Variants in SAG observed in about 807,000 individuals in gnomAD.
The protein encoded by SAG is S-arrestin.
Under a neutral mutation model 55.0 loss-of-function variants are expected in SAG, and 45 were observed. The observed-to-expected ratio is 0.82, with a 90% confidence interval of 0.64 to 1.05. The LOEUF (loss-of-function observed/expected upper bound fraction) is 1.05. Among genes scored for constraint, SAG ranks in the 50% least tolerant of loss-of-function variants. The probability of loss-of-function intolerance (pLI) is 0.00; values close to 1 mark genes in which losing one functional copy is unlikely to be tolerated. For synonymous variants in SAG, 189 were observed against 197.4 expected (o/e 0.96, Z 0.36); for missense variants, 455 against 512.1 (o/e 0.89, Z 1.08).
Position 233,328,552 on chromosome 2 carries a change from C to T in SAG, c.587C>T (p.Ala196Val), listed in dbSNP as rs556476934. 4.0e-5 allele frequency: 64 copies of T among 1,613,914 alleles called. No individual in the cohort carries two copies. Among genetic ancestry groups the T allele is most frequent in the East Asian group, 2.0e-4 (9 of 44,882 alleles). Reference sequence around the variant, plus strand: ...ATGGGTCCCCAGCCCCGAGCTGAGGCGGCCTGGCAGTTCTTCATGTCTGAC... The same window carrying T: ...ATGGGTCCCCAGCCCCGAGCTGAGGTGGCCTGGCAGTTCTTCATGTCTGAC... ...LEMGPQPRAE[A>V]AWQFFMSDKP... The change falls in exon 8 of 16, where the codon GCG (alanine) becomes GTG (valine). Residue 196 changes from alanine to valine, a missense_variant. Ala to Val is a moderately conservative substitution (Grantham distance 64). Transcript: ENST00000409110.
In SAG at chr2:233,314,091, G is replaced by A. The variant is rs1010557630; in HGVS notation, c.76-1984G>A. Among the ~76,000 whole-genome samples, 7 of 151,994 alleles carry A rather than the reference G, an allele frequency of 4.6e-5. No individual in the cohort carries two copies. In the East Asian group the frequency reaches 7.8e-4, roughly 17 times the overall value. On this transcript the variant is annotated intron_variant, in intron 2 of 15. Coordinates refer to ENST00000409110, the MANE Select transcript of SAG (RefSeq NM_000541.5). ...TAAAAAATTAGCTGGGCATGGTGGC[G>A]TGCATCTGTAGTCCCAGCTACCTGG... is the stretch of plus-strand genomic sequence containing the variant.
chr2:233,312,950 G>A (rs986832437), intron 2 of SAG, among the ~76,000 whole-genome samples: 2 of 152,232 alleles, frequency 1.3e-5, no homozygotes, highest in African/African-American at 4.8e-5. Context: ...AGGGACCTTG[G>A]GGACCAAGGG....
At chr2:233,329,709 T>C (rs1700686861) in intron 9 of SAG, 132 bp downstream of exon 9, 2 of 654,958 alleles carry the variant, frequency 3.1e-6, no homozygotes, top group South Asian at 3.4e-5. Context: ...TCTGCTGTCA[T>C]AGGCAGCAGG....
chr2:233,340,323 G>A lies in SAG; in HGVS notation c.1023-132G>A. 1.4e-6 allele frequency: 1 copy of A among 706,324 alleles called. No homozygotes were observed. Among genetic ancestry groups the A allele is most frequent in the Non-Finnish European group, 2.5e-6 (1 of 396,266 alleles). 43.8% of individuals were successfully genotyped at this position (706,324 alleles called of 1,614,324 possible). A position where few individuals can be genotyped will look rare whatever the true frequency, so the allele number is the denominator to read the frequency against. On this transcript the variant is annotated intron_variant, in intron 12 of 15. Transcript: ENST00000409110. This position sits in a 1 kb window ranked among gnomAD's most constrained non-coding sequence, Gnocchi z 4.2. ...TAATGAAGTTGAACATTAAGGGATG[G>A]GAAGACCCTGGATGTTGTGAGTTCG...
At chr2:233,318,652 G>A (rs1700283790) in intron 3 of SAG, 99 bp from the exon 4 acceptor site, 2 of 1,018,542 alleles carry the variant, frequency 2.0e-6, no homozygotes. Context: ...AATGAACATG[G>A]ATTACATGTG....
In SAG at chr2:233,319,981, G is replaced by A; in HGVS notation, c.182-649G>A. 1 of 985,432 alleles carries A rather than the reference G, an allele frequency of 1.0e-6. No individual in the cohort carries two copies. Among genetic ancestry groups the A allele is most frequent in the Non-Finnish European group, 1.2e-6 (1 of 829,930 alleles). 61.0% of individuals were successfully genotyped at this position (985,432 alleles called of 1,614,324 possible). ...TCGTGTCTTTTTTAGAAGGTGTAGT[G>A]AACTTCATACAATTCTTCTGGTCTA... On this transcript the variant is annotated intron_variant, in intron 4 of 15. Transcript: ENST00000409110. The surrounding 1 kb of genome is among the most constrained non-coding windows in gnomAD (Gnocchi z 4.4).
chr2:233,319,201 T>C lies in SAG; in HGVS notation c.181+406T>C, dbSNP rs1700306160. Among the ~76,000 whole-genome samples the C allele has an allele frequency of 6.6e-6, 1 of 152,000 alleles. No individual in the cohort carries two copies. Among genetic ancestry groups the C allele is most frequent in the African/African-American group, 2.4e-5 (1 of 41,370 alleles). On this transcript the variant is annotated intron_variant, in intron 4 of 15. Transcript: ENST00000409110. This position sits in a 1 kb window ranked among gnomAD's most constrained non-coding sequence, Gnocchi z 4.4. ...GAGGGGCGAGTGAGTGGGCAGTGTT[T>C]CTTCTGAGTCAGTGGCGAGGGGCAG...
intron 3 of SAG, among the ~76,000 whole-genome samples, chr2:233,318,141 T>G (rs556644090): frequency 3.9e-5 from 6 of 152,038 alleles, no homozygotes; most frequent in East Asian, 1.9e-4. Context: ...ACCTGGCCCA[T>G]GCCCTGCTAA....
chr2:233,311,857 G>A (rs1224837770), intron 2 of SAG, among the ~76,000 whole-genome samples: 1 of 152,214 alleles, frequency 6.6e-6, no homozygotes, highest in African/African-American at 2.4e-5. Context: ...CAGGCGCGGT[G>A]GTTTATGCCT....
At chr2:233,345,120 G>A (rs1701212589) in intron 14 of SAG, 1 of 152,208 alleles carries the variant, frequency 6.6e-6, no homozygotes, top group South Asian at 2.1e-4. Flanking sequence ...CCATCAAATC[G>A]CCGCTGTGCT....
At position 233,328,391 on chromosome 2, in the gene SAG, C is replaced by A; in HGVS notation, c.513-87C>A. 8 of 1,478,960 alleles carry A rather than the reference C, an allele frequency of 5.4e-6. No homozygotes were observed. The South Asian group carries it at 8.8e-5, about 16-fold the overall frequency. The allele number at this position is 1,478,960 out of a possible 1,614,324, so 91.6% of individuals were successfully genotyped here. Reference sequence around the variant, plus strand: ...TCCATGGGGAGCATTCCTGGAGAATCTCCATGTGACAGTGGGGAGAGAACA... The same window carrying A: ...TCCATGGGGAGCATTCCTGGAGAATATCCATGTGACAGTGGGGAGAGAACA... On this transcript the variant is annotated intron_variant, in intron 7 of 15. Coordinates refer to ENST00000409110, the MANE Select transcript of SAG (RefSeq NM_000541.5).
intron 10 of SAG, 114 bp from the exon 11 acceptor site, chr2:233,334,848 C>A: frequency 1.6e-6 from 2 of 1,280,474 alleles, no homozygotes; most frequent in Non-Finnish European, 2.2e-6. Flanking sequence ...CCCACCTTCC[C>A]AGGAGGTCCA....
Position 233,346,969 on chromosome 2 carries a change from G to T in SAG, c.*57G>T. On this transcript the variant is annotated 3_prime_UTR_variant, in exon 16 of 16. Coordinates refer to ENST00000409110, the MANE Select transcript of SAG (RefSeq NM_000541.5). Reference sequence around the variant, plus strand: ...TGTAGTTACCAGTGCAACGAGCAAAGCCCCACAGTTTAGTCCTTTGGAGTT... The same window carrying T: ...TGTAGTTACCAGTGCAACGAGCAAATCCCCACAGTTTAGTCCTTTGGAGTT... 1.0e-6 allele frequency: 1 copy of T among 964,662 alleles called. No individual in the cohort carries two copies. Among genetic ancestry groups the T allele is most frequent in the Non-Finnish European group, 1.6e-6 (1 of 610,312 alleles). The allele number at this position is 964,662 out of a possible 1,614,324, so 59.8% of individuals were successfully genotyped here. A position where few individuals can be genotyped will look rare whatever the true frequency, so the allele number is the denominator to read the frequency against.
rs1355824268 is a variant in SAG, at chr2:233,328,354, G to A, written c.513-124G>A. ...TGACCAGTGTCGTTGCCCTCTTCCC[G>A]TCCACCCTGTCTCCATGGGGAGCAT... On this transcript the variant is annotated intron_variant, in intron 7 of 15. Transcript: ENST00000409110. 24 of 1,232,454 alleles carry A rather than the reference G, an allele frequency of 1.9e-5. No individual in the cohort carries two copies. In the South Asian group the frequency reaches 2.4e-4, roughly 12 times the overall value. The allele number at this position is 1,232,454 out of a possible 1,614,324, so 76.3% of individuals were successfully genotyped here.
Position 233,308,276 on chromosome 2 carries a change from A to G in SAG, c.-29+254A>G, listed in dbSNP as rs150265645. 6.0e-4 allele frequency among the ~76,000 whole-genome samples: 91 copies of G among 152,266 alleles called. 1 individual carries two copies. Among genetic ancestry groups the G allele is most frequent in the African/African-American group, 2.1e-3 (88 of 41,550 alleles). ...GGAATTCGAGACCAACTTGAGCAAT[A>G]CAGTCAGACCCAGTCTCTACAAAAA... On this transcript the variant is annotated intron_variant, in intron 1 of 15. Transcript: ENST00000409110.
chr2:233,317,795 ATATG>A (rs1559434961), intron 3 of SAG, among the ~76,000 whole-genome samples: 3 of 145,650 alleles, frequency 2.1e-5, no homozygotes, highest in African/African-American at 7.9e-5. Context: ...CGTTTTCTCT[ATATG>A]TGTGTGTGTG....
chr2:233,317,630 G>C (rs1424624958), intron 3 of SAG, among the ~76,000 whole-genome samples: 1 of 152,144 alleles, frequency 6.6e-6, no homozygotes, highest in African/African-American at 2.4e-5. Context: ...GTCATGGAGA[G>C]ATATAAAGAC....
rs565962633 is a variant in SAG at position 233,325,419 on chromosome 2, C to A, written c.436-1702C>A. Among the ~76,000 whole-genome samples, 11 of 148,810 alleles carry A rather than the reference C, an allele frequency of 7.4e-5. No homozygotes were observed. The South Asian group carries it at 2.2e-3, about 29-fold the overall frequency. On this transcript the variant is annotated intron_variant, in intron 6 of 15. Coordinates refer to ENST00000409110, the MANE Select transcript of SAG (RefSeq NM_000541.5). ...TTGGAAAATCTCAGAGTATGTCACA[C>A]ATGGTGAAGCTGAATATGGTGTCAG...
At chr2:233,337,054 C>A (rs1433254710) in intron 11 of SAG, among the ~76,000 whole-genome samples, 1 of 151,750 alleles carries the variant, frequency 6.6e-6, no homozygotes, top group African/African-American at 2.4e-5. Flanking sequence ...TATGATCATG[C>A]CATTGCATTC....
Sources: allele counts gnomAD v4.1 joint callset (sites outside exome capture counted in the v4.1 genomes callset), GRCh38; gene constraint gnomAD v4.1.1; non-coding constraint Gnocchi (gnomAD v3.1); transcripts MANE v1.5; gene names NCBI Gene and HGNC (gene_info 2026-07-23, HGNC 2026-07-21).